Variants in AUTS2 observed in about 807,000 individuals in gnomAD.
AUTS2 encodes the protein activator of transcription and developmental regulator AUTS2.
A neutral mutation model predicts 112.4 loss-of-function variants in AUTS2; 17 were observed. That is an observed-to-expected ratio of 0.15 (90% CI 0.10 to 0.23). The LOEUF is 0.23. AUTS2 is among the 10% of genes least tolerant of loss of function. The pLI is 1.00. For synonymous variants in AUTS2, 751 were observed against 702.7 expected (o/e 1.07, Z -1.09); for missense variants, 1,510 against 1,701.6 (o/e 0.89, Z 1.98).
chr7:70,734,321 T>C (rs12698931), intron 6 of AUTS2, among the ~76,000 whole-genome samples: 10,545 of 151,990 alleles, frequency 0.069, 522 homozygotes, highest in East Asian at 0.2. Flanking sequence ...GTGCCTGTAG[T>C]CCCAGCTACT....
chr7:70,431,503 A>T (rs1042042565), intron 4 of AUTS2, among the ~76,000 whole-genome samples: 1 of 152,022 alleles, frequency 6.6e-6, no homozygotes, highest in Non-Finnish European at 1.5e-5. Flanking sequence ...CTCCTGACTC[A>T]GCCTCCTGAG....
chr7:70,586,281 C>T (rs1802685662), intron 5 of AUTS2, among the ~76,000 whole-genome samples: 1 of 152,090 alleles, frequency 6.6e-6, no homozygotes, highest in Non-Finnish European at 1.5e-5. Context: ...TGAGTGTGTA[C>T]CCTGCGGGAA....
chr7:70,691,836 G>A (rs1043278164), intron 5 of AUTS2, among the ~76,000 whole-genome samples: 8 of 150,892 alleles, frequency 5.3e-5, no homozygotes, highest in Non-Finnish European at 8.8e-5. Context: ...GGCTGAGGCC[G>A]TCATCTGAGG....
intron 1 of AUTS2, among the ~76,000 whole-genome samples, chr7:69,741,189 A>G (rs938443625): frequency 1.3e-5 from 2 of 152,148 alleles, no homozygotes; most frequent in African/African-American, 4.8e-5. Context: ...AAGGACACAC[A>G]TGTGATTTCT....
intron 5 of AUTS2, among the ~76,000 whole-genome samples, chr7:70,464,761 G>A (rs1238788031): frequency 6.6e-6 from 1 of 152,202 alleles, no homozygotes; most frequent in Non-Finnish European, 1.5e-5. Context: ...TGGAATATGA[G>A]GTTGGTGAGG....
At chr7:70,071,015 CTTAAAAT>C (rs1195478476) in intron 2 of AUTS2, among the ~76,000 whole-genome samples, 4 of 152,056 alleles carry the variant, frequency 2.6e-5, no homozygotes, top group African/African-American at 9.7e-5. Context: ...GTTTGGGTTA[CTTAAAAT>C]GAAATACTGT....
intron 2 of AUTS2, among the ~76,000 whole-genome samples, chr7:70,112,151 A>C (rs1019032670): frequency 6.6e-5 from 10 of 151,804 alleles, no homozygotes; most frequent in Non-Finnish European, 1.3e-4. Context: ...TTTACAACAT[A>C]AGTTTTAAAA....
chr7:69,694,563 G>C (rs1406411871), intron 1 of AUTS2, among the ~76,000 whole-genome samples: 2 of 152,118 alleles, frequency 1.3e-5, no homozygotes, highest in Non-Finnish European at 2.9e-5. Context: ...CAGATGGCTT[G>C]GGCTCACGAG....
At chr7:70,356,151 C>A (rs1194195065) in intron 4 of AUTS2, among the ~76,000 whole-genome samples, 1 of 152,126 alleles carries the variant, frequency 6.6e-6, no homozygotes, top group African/African-American at 2.4e-5. Context: ...CCTCTGGGAC[C>A]CTGCTACAGA....
intron 1 of AUTS2, among the ~76,000 whole-genome samples, chr7:69,823,443 T>C (rs1791091360): frequency 6.6e-6 from 1 of 152,178 alleles, no homozygotes; most frequent in Non-Finnish European, 1.5e-5. Flanking sequence ...TTGAACTGTA[T>C]GTTGAGCAGC....
intron 5 of AUTS2, among the ~76,000 whole-genome samples, chr7:70,529,005 C>T (rs1799971453): frequency 6.6e-6 from 1 of 152,160 alleles, no homozygotes; most frequent in Non-Finnish European, 1.5e-5. Flanking sequence ...ATAAACACCA[C>T]TGTACTAACC....
chr7:69,780,636 A>C (rs1183952310), intron 1 of AUTS2, among the ~76,000 whole-genome samples: 2 of 152,238 alleles, frequency 1.3e-5, no homozygotes, highest in African/African-American at 4.8e-5. Context: ...TAGAGCTGTA[A>C]GTGGCTGGAG....
chr7:69,646,409 C>T (rs566517001), intron 1 of AUTS2, among the ~76,000 whole-genome samples: 1 of 152,186 alleles, frequency 6.6e-6, no homozygotes, highest in Non-Finnish European at 1.5e-5. Flanking sequence ...TTAATTGTAA[C>T]AATGTTGAGA....
At chr7:70,080,289 A>G (rs774803203) in intron 2 of AUTS2, among the ~76,000 whole-genome samples, 2 of 152,210 alleles carry the variant, frequency 1.3e-5, no homozygotes, top group Non-Finnish European at 2.9e-5. Flanking sequence ...ACTGTTTCCA[A>G]CTCAACAAAG....
chr7:70,027,559 T>C (rs768801794), intron 2 of AUTS2, among the ~76,000 whole-genome samples: 1 of 152,188 alleles, frequency 6.6e-6, no homozygotes, highest in Non-Finnish European at 1.5e-5. Flanking sequence ...TAAGACACTA[T>C]ATAAAACAGG....
intron 2 of AUTS2, among the ~76,000 whole-genome samples, chr7:70,117,104 G>GTTTTTTTTT (rs61076536): frequency 1.4e-4 from 11 of 78,456 alleles, no homozygotes; most frequent in African/African-American, 3.4e-4. Flanking sequence ...GATGACTTTT[G>GTTTTTTTTT]TTTTTTTTTT....
intron 1 of AUTS2, among the ~76,000 whole-genome samples, chr7:69,789,517 A>T (rs1292643973): frequency 1.3e-5 from 2 of 152,174 alleles, no homozygotes; most frequent in Non-Finnish European, 2.9e-5. Context: ...GAACTCTGAG[A>T]CTTGTATTTC....
intron 2 of AUTS2, among the ~76,000 whole-genome samples, chr7:69,997,364 T>C (rs1798993906): frequency 6.6e-6 from 1 of 152,182 alleles, no homozygotes; most frequent in Non-Finnish European, 1.5e-5. Context: ...TATTACACAT[T>C]GGTTTTGGCA....
At chr7:69,843,532 C>A (rs907084578) in intron 1 of AUTS2, among the ~76,000 whole-genome samples, 53 of 152,106 alleles carry the variant, frequency 3.5e-4, no homozygotes, top group Admixed American at 9.8e-4. Context: ...AGTAGATGTG[C>A]AGTATAAATT....
Sources: gnomAD v4.1 joint callset for allele counts (sites outside exome capture counted in the v4.1 genomes callset) on GRCh38, gnomAD v4.1.1 for gene constraint, MANE v1.5 for transcripts, NCBI Gene and HGNC (gene_info 2026-07-23, HGNC 2026-07-21) for gene names.